The following CCDC180 variants were observed in gnomAD, a reference collection of about 807,000 sequenced individuals.
The protein encoded by CCDC180 is coiled-coil domain-containing protein 180.
CCDC180 carries 154 observed loss-of-function variants against 209.2 expected under a neutral mutation model. The ratio of observed to expected loss-of-function variants is 0.74; its 90% CI spans 0.65 to 0.84. The LOEUF is 0.84. CCDC180 is among the 40% of genes least tolerant of loss of function. The pLI, the probability that CCDC180 is intolerant of heterozygous loss-of-function variation, is 0.00. For missense variants in CCDC180, 1,874 were observed against 1,997.3 expected (o/e 0.94, Z 1.18); for synonymous variants, 778 against 749.1 (o/e 1.04, Z -0.63).
chr9:97,328,170 C>T (rs1316672597), intron 16 of CCDC180, 24 bp downstream of exon 16: 2 of 1,608,880 alleles, frequency 1.2e-6, no homozygotes, highest in Non-Finnish European at 8.5e-7. Context: ...GATGATACAC[C>T]CAGCCACTCA....
Position 97,374,504 on chromosome 9 carries a change from C to G in CCDC180, c.4601-39C>G. 2.7e-6 allele frequency: 4 copies of G among 1,487,966 alleles called. No homozygotes were observed. The South Asian group carries it at 3.4e-5, about 13-fold the overall frequency. The allele number at this position is 1,487,966 out of a possible 1,614,324, so 92.2% of individuals were successfully genotyped here. On this transcript the variant is annotated intron_variant, in intron 34 of 36. Transcript: ENST00000529487. ...GGGAAATCCCTCGATCTCAGGCTGT[C>G]GGTGAGGCTGCAGTCACTAGCCTGT...
At chr9:97,331,849 G>A (rs970667800) in intron 18 of CCDC180, among the ~76,000 whole-genome samples, 2 of 152,148 alleles carry the variant, frequency 1.3e-5, no homozygotes, top group Non-Finnish European at 2.9e-5. Flanking sequence ...TCTGTAGGTT[G>A]TCTGTTTACT....
chr9:97,356,276 C>T (rs1826584079), intron 24 of CCDC180, among the ~76,000 whole-genome samples: 1 of 152,030 alleles, frequency 6.6e-6, no homozygotes, highest in Non-Finnish European at 1.5e-5. Flanking sequence ...GAGGTGAGGA[C>T]AGACTTGTCT....
At position 97,374,599 on chromosome 9, in the gene CCDC180, C is replaced by T; in HGVS notation, c.4657C>T (p.Leu1553Phe). 5.6e-6 allele frequency: 9 copies of T among 1,614,126 alleles called. No homozygotes were observed. The highest frequency in any genetic ancestry group is 7.6e-6 in the Non-Finnish European group (9 of 1,180,034). The change falls in exon 35 of 37, where the codon CTC becomes TTC. Residue 1553 changes from leucine to phenylalanine, a missense_variant. By Grantham distance (22) the Leu-to-Phe change is conservative (BLOSUM62 0). Coordinates refer to ENST00000529487, the MANE Select transcript of CCDC180 (RefSeq NM_020893.6). ...SMLIRRKLAG[L>F]SLKEESEKPL... ...GCTCATACGAAGGAAACTCGCTGGGCTCTCCCTGAAGGAAGAGAGTGAGAA... is the reference window on the plus strand; with the variant it reads ...GCTCATACGAAGGAAACTCGCTGGGTTCTCCCTGAAGGAAGAGAGTGAGAA...
chr9:97,347,923 TCACCTG>T (rs1287731243), intron 20 of CCDC180, among the ~76,000 whole-genome samples: 1 of 152,156 alleles, frequency 6.6e-6, no homozygotes, highest in Non-Finnish European at 1.5e-5. Context: ...GACTCCTCTC[TCACCTG>T]CAGAAGGGGT....
At chr9:97,317,290 C>T (rs551735830) in intron 9 of CCDC180, 62 bp downstream of exon 9, 45 of 1,378,762 alleles carry the variant, frequency 3.3e-5, no homozygotes, top group East Asian at 7.8e-5. Context: ...AGGGTAGGGG[C>T]GGCATTCTCC....
chr9:97,309,705 A>G, intron 3 of CCDC180, 101 bp downstream of exon 3: 2 of 981,414 alleles, frequency 2.0e-6, no homozygotes, highest in East Asian at 3.0e-5. Context: ...GTAGGAATGA[A>G]GTCTCAAGTA....
At chr9:97,332,408 T>C (rs928777954) in intron 18 of CCDC180, among the ~76,000 whole-genome samples, 3 of 152,214 alleles carry the variant, frequency 2.0e-5, no homozygotes, top group African/African-American at 7.2e-5. Flanking sequence ...CTGTGAAGAA[T>C]GTCATTAGTA....
intron 19 of CCDC180, among the ~76,000 whole-genome samples, chr9:97,344,932 G>A (rs1826202520): frequency 6.6e-6 from 1 of 152,038 alleles, no homozygotes; most frequent in Non-Finnish European, 1.5e-5. Flanking sequence ...TATAACTTCT[G>A]AGTTTATTTT....
At chr9:97,337,970 C>A (rs1167465224) in intron 18 of CCDC180, among the ~76,000 whole-genome samples, 1 of 152,114 alleles carries the variant, frequency 6.6e-6, no homozygotes, top group Non-Finnish European at 1.5e-5. Context: ...TTATAGTATT[C>A]TCTGATGGTA....
intron 26 of CCDC180, 135 bp downstream of exon 26, chr9:97,360,236 T>C (rs1034999274): frequency 9.3e-7 from 1 of 1,076,056 alleles, no homozygotes; most frequent in African/African-American, 1.6e-5. Context: ...CTTACTGAGA[T>C]GCTGTGGAAA....
chr9:97,349,987 T>C (rs762503155), intron 21 of CCDC180, among the ~76,000 whole-genome samples: 2 of 152,092 alleles, frequency 1.3e-5, no homozygotes, highest in South Asian at 2.1e-4. Context: ...TTTCACCAAT[T>C]TGATGTGCTC....
intron 18 of CCDC180, among the ~76,000 whole-genome samples, chr9:97,337,748 C>T (rs913279283): frequency 6.6e-6 from 1 of 152,116 alleles, no homozygotes; most frequent in African/African-American, 2.4e-5. Flanking sequence ...GTACTAGCTC[C>T]TCTTTGTACC....
Position 97,369,949 on chromosome 9 carries a change from A to C in CCDC180, c.4217A>C (p.Glu1406Ala). 9 of 1,614,146 alleles carry C rather than the reference A, an allele frequency of 5.6e-6. No individual in the cohort carries two copies. Among genetic ancestry groups the C allele is most frequent in the Non-Finnish European group, 7.6e-6 (9 of 1,180,026 alleles). The part of the protein sequence containing the change: ...IELRIQIRRF[E>A]ELLPQVCWLV... Reference sequence around the variant, plus strand: ...TTACGGATCCAGATCAGGAGATTTGAGGAGCTGCTGCCCCAAGTGTGTTGG... The same window carrying C: ...TTACGGATCCAGATCAGGAGATTTGCGGAGCTGCTGCCCCAAGTGTGTTGG... The change falls in exon 32 of 37, where the codon GAG (glutamate) becomes GCG (alanine). Residue 1406 changes from glutamate (E) to alanine (A), a missense_variant. By Grantham distance (107) the Glu-to-Ala change is moderately radical. Transcript: ENST00000529487.
intron 31 of CCDC180, among the ~76,000 whole-genome samples, chr9:97,368,127 G>A (rs192283698): frequency 2.0e-5 from 3 of 152,180 alleles, no homozygotes; most frequent in African/African-American, 4.8e-5. Flanking sequence ...AGGCTAATGG[G>A]GGATCCATTC....
intron 28 of CCDC180, among the ~76,000 whole-genome samples, chr9:97,363,255 C>G (rs941492393): frequency 6.6e-6 from 1 of 152,202 alleles, no homozygotes; most frequent in Non-Finnish European, 1.5e-5. Context: ...GGGAAGCTGT[C>G]ATTTATTAAT....
chr9:97,327,276 C>A (rs939179299), intron 15 of CCDC180, among the ~76,000 whole-genome samples: 2 of 152,088 alleles, frequency 1.3e-5, no homozygotes, highest in African/African-American at 4.8e-5. Flanking sequence ...CCCACTTTTC[C>A]TTTTTTATGG....
At chr9:97,350,353 CTTGTCCCCCAGGG>C in intron 21 of CCDC180, 43 bp from the exon 22 acceptor site, 4 of 1,516,484 alleles carry the variant, frequency 2.6e-6, no homozygotes, top group Non-Finnish European at 3.5e-6. Flanking sequence ...CTGCCCCTCC[CTTGTCCCCCAGGG>C]TTGTCCCCCA....
At position 97,359,473 on chromosome 9, in the gene CCDC180, A is replaced by G. The variant is rs140297079; in HGVS notation, c.3364-509A>G. ...ATGCCTTGAATGTGTGGCGAGAGGG[A>G]AGATCCTCACCGTTGCATTCCTGCA... is the stretch of plus-strand genomic sequence containing the variant. On this transcript the variant is annotated intron_variant, in intron 25 of 36. Transcript: ENST00000529487. 5.6e-3 allele frequency among the ~76,000 whole-genome samples: 850 copies of G among 152,236 alleles called. 9 individuals are homozygous for G. Among genetic ancestry groups the G allele is most frequent in the African/African-American group, 0.02 (815 of 41,554 alleles).
Sources: gnomAD v4.1 joint callset for allele counts (sites outside exome capture counted in the v4.1 genomes callset) on GRCh38, gnomAD v4.1.1 for gene constraint, MANE v1.5 for transcripts, NCBI Gene and HGNC (gene_info 2026-07-23, HGNC 2026-07-21) for gene names.